The following DPH6 variants were observed in gnomAD, a reference collection of about 807,000 sequenced individuals.
DPH6 encodes the protein diphthine--ammonia ligase.
Under a neutral mutation model 38.2 loss-of-function variants are expected in DPH6, and 33 were observed. That is an observed-to-expected ratio of 0.86 (90% CI 0.65 to 1.15). DPH6 has a LOEUF of 1.15. Ranked by LOEUF, DPH6 falls within the 50% of genes most tolerant of loss-of-function variation. DPH6 has a pLI of 0.00. For missense variants in DPH6, 325 were observed against 320.0 expected, an observed-to-expected ratio of 1.02 and a Z score of -0.12; for synonymous variants, 108 against 103.0, an observed-to-expected ratio of 1.05 and a Z score of -0.30.
chr15:35,217,376 G>A (rs943227450), exon 4 of DPH6: 3 of 152,064 alleles, frequency 2.0e-5, no homozygotes, highest in African/African-American at 7.3e-5. Context: ...TTTTGAGACG[G>A]AGTTTTGCTC....
intron 2 of DPH6, 118 bp from the exon 3 acceptor site, chr15:35,538,585 C>G: frequency 1.2e-6 from 1 of 819,644 alleles, no homozygotes; most frequent in Non-Finnish European, 1.7e-6. Context: ...GCTTGCTATA[C>G]TATGTTTCTC....
chr15:35,312,121 A>G (rs2140827250), intron 3 of DPH6, among the ~76,000 whole-genome samples: 1 of 152,240 alleles, frequency 6.6e-6, no homozygotes, highest in South Asian at 2.1e-4. Context: ...ATGCTGAGAT[A>G]AGGAAAGCTA....
the DPH6 span, among the ~76,000 whole-genome samples, chr15:35,185,472 G>A: frequency 1.3e-5 from 2 of 152,166 alleles, no homozygotes; most frequent in African/African-American, 2.4e-5. Context: ...AGAATTAACT[G>A]TAGATGACTA....
At position 35,373,594 on chromosome 15, in the gene DPH6, ACTT is replaced by A. The variant is rs1430069031; in HGVS notation, c.674_676del (p.Glu225del). On this transcript the variant is annotated inframe_deletion, in exon 8 of 9. Coordinates refer to ENST00000256538, the MANE Select transcript of DPH6 (RefSeq NM_080650.4). ...AAATGCATCAGCTGAATGTATGACT[ACTT>A]CTGATGAATCCCTGAAATACAAAAA... The A allele has an allele frequency of 3.1e-6, 5 of 1,605,688 alleles. No homozygotes were observed. Among genetic ancestry groups the A allele is most frequent in the Non-Finnish European group, 2.5e-6 (3 of 1,176,758 alleles).
At chr15:35,251,212 T>G (rs2051671228) in intron 3 of DPH6, among the ~76,000 whole-genome samples, 1 of 152,212 alleles carries the variant, frequency 6.6e-6, no homozygotes, top group Admixed American at 6.5e-5. Flanking sequence ...GTAATTTCAA[T>G]TTTTATTTTA....
At chr15:35,521,715 T>C (rs1441242741) in intron 3 of DPH6, 1 of 1,231,274 alleles carries the variant, frequency 8.1e-7, no homozygotes, top group Non-Finnish European at 1.0e-6. Context: ...TCAATTTTAG[T>C]CAACTTTAAT....
At chr15:35,333,986 G>C (rs1179351225) in intron 3 of DPH6, among the ~76,000 whole-genome samples, 4 of 152,028 alleles carry the variant, frequency 2.6e-5, no homozygotes, top group Non-Finnish European at 5.9e-5. Flanking sequence ...GACATGGATG[G>C]AATTGGAAGC....
intron 5 of DPH6, among the ~76,000 whole-genome samples, chr15:35,432,447 A>C (rs2053644141): frequency 1.3e-5 from 2 of 152,180 alleles, no homozygotes; most frequent in Admixed American, 1.3e-4. Flanking sequence ...AATGAGCACA[A>C]CCAGAAAAAG....
At position 35,231,838 on chromosome 15, in the gene DPH6, G is replaced by A. The variant is rs74380705; in HGVS notation, n.201-11256C>T. Reference sequence around the variant, plus strand: ...AGAGGGAGCAAGAGTGAGGGGAGGAGGTGCCAGGGTCTTTGAAACAATTCA... The same window carrying A: ...AGAGGGAGCAAGAGTGAGGGGAGGAAGTGCCAGGGTCTTTGAAACAATTCA... On this transcript the variant is annotated intron_variant and non_coding_transcript_variant, in intron 3 of 3. Coordinates refer to the DPH6 transcript ENST00000560386. 4.3e-3 allele frequency among the ~76,000 whole-genome samples: 655 copies of A among 152,198 alleles called. 6 individuals carry two copies. Among genetic ancestry groups the A allele is most frequent in the African/African-American group, 0.015 (619 of 41,522 alleles).
chr15:35,297,664 A>G (rs2052024225), intron 3 of DPH6, among the ~76,000 whole-genome samples: 1 of 151,800 alleles, frequency 6.6e-6, no homozygotes. Context: ...TTTAATCTCT[A>G]TCTATATGCT....
chr15:35,354,884 G>A (rs138518703), intron 3 of DPH6, among the ~76,000 whole-genome samples: 60 of 152,208 alleles, frequency 3.9e-4, no homozygotes, highest in African/African-American at 1.4e-3. Flanking sequence ...TGACAGTGAG[G>A]TGTTAAAGTC....
At chr15:35,442,572 C>T (rs1174913086) in intron 5 of DPH6, among the ~76,000 whole-genome samples, 1 of 152,128 alleles carries the variant, frequency 6.6e-6, no homozygotes, top group East Asian at 1.9e-4. Context: ...AAAACTTGTA[C>T]ACAAATGTTC....
At chr15:35,366,032 A>T (rs2052655373), downstream of DPH6, 1 of 981,908 alleles carries the variant, frequency 1.0e-6, no homozygotes, top group Non-Finnish European at 1.2e-6. Flanking sequence ...AATGTTGGCA[A>T]ATAAAAGTCA....
At chr15:35,503,819 A>G (rs73382748) in intron 3 of DPH6, among the ~76,000 whole-genome samples, 14,123 of 152,144 alleles carry the variant, frequency 0.093, 902 homozygotes, top group African/African-American at 0.18. Context: ...ATAGAAGAGG[A>G]AACAAAGGCA....
downstream of DPH6, among the ~76,000 whole-genome samples, chr15:35,216,981 A>G (rs910086056): frequency 2.0e-5 from 3 of 152,204 alleles, no homozygotes; most frequent in South Asian, 4.1e-4. Context: ...TTTCTATTTG[A>G]TCTAGAGACA....
chr15:35,483,109 G>A (rs2054348794), intron 3 of DPH6, among the ~76,000 whole-genome samples: 1 of 151,992 alleles, frequency 6.6e-6, no homozygotes, highest in Non-Finnish European at 1.5e-5. Flanking sequence ...AAATACAGAT[G>A]AATGGCCAAT....
chr15:35,366,351 T>C (rs141044519), downstream of DPH6, among the ~76,000 whole-genome samples: 16 of 151,942 alleles, frequency 1.1e-4, no homozygotes, highest in Non-Finnish European at 2.2e-4. Context: ...AGTAATGTTT[T>C]CACCTGAGTT....
intron 5 of DPH6, among the ~76,000 whole-genome samples, chr15:35,436,819 C>A (rs776052175): frequency 6.8e-6 from 1 of 147,114 alleles, no homozygotes; most frequent in Non-Finnish European, 1.5e-5. Flanking sequence ...TTTTTTTTCT[C>A]CCCCTTTTAG....
chr15:35,204,644 C>A, the DPH6 span, among the ~76,000 whole-genome samples: 6 of 151,734 alleles, frequency 4.0e-5, no homozygotes, highest in African/African-American at 1.4e-4. Context: ...AGAAAAACCT[C>A]TAGCAAAATA....
Sources: allele counts gnomAD v4.1 joint callset (sites outside exome capture counted in the v4.1 genomes callset), GRCh38; gene constraint gnomAD v4.1.1; transcripts MANE v1.5; gene names NCBI Gene and HGNC (gene_info 2026-07-23, HGNC 2026-07-21).